Variants in UPRT observed in about 807,000 individuals in gnomAD.
UPRT encodes RP11-311P8.3.
UPRT carries 5 observed loss-of-function variants against 22.6 expected under a neutral mutation model. The ratio of observed to expected loss-of-function variants is 0.22; its 90% CI spans 0.12 to 0.47. The LOEUF is 0.47. Among genes scored for constraint, UPRT ranks in the 20% least tolerant of loss-of-function variants. UPRT has a pLI of 0.99. For missense variants in UPRT, 181 were observed against 239.9 expected (o/e 0.75, Z 1.62); for synonymous variants, 77 against 87.7 (o/e 0.88, Z 0.68).
At chrX:75,190,858 T>C (rs930645147) in intron 4 of UPRT, among the ~76,000 whole-genome samples, 1 of 111,545 alleles carries the variant, frequency 9.0e-6, no homozygotes, top group African/African-American at 3.3e-5. Flanking sequence ...TCTACACTGG[T>C]TATTCTAGTT....
intron 4 of UPRT, among the ~76,000 whole-genome samples, chrX:75,255,814 C>T (rs997402258): frequency 8.9e-6 from 1 of 111,847 alleles, no homozygotes; most frequent in East Asian, 2.8e-4. Context: ...GAAAGTATCA[C>T]AATCCTAAAC....
intron 4 of UPRT, among the ~76,000 whole-genome samples, chrX:75,172,221 A>C (rs1342784827): frequency 1.8e-5 from 2 of 110,901 alleles, no homozygotes; most frequent in African/African-American, 6.6e-5. Flanking sequence ...AGGGTTAGGC[A>C]TGTACGAGCT....
At chrX:75,258,250 G>T (rs931693213) in intron 4 of UPRT, among the ~76,000 whole-genome samples, 1 of 93,341 alleles carries the variant, frequency 1.1e-5, no homozygotes, top group South Asian at 6.0e-4. Context: ...CGCCAGTAGC[G>T]CATGGAACAC....
intron 4 of UPRT, among the ~76,000 whole-genome samples, chrX:75,176,647 T>C (rs2147607106): frequency 9.0e-6 from 1 of 110,841 alleles, no homozygotes; most frequent in African/African-American, 3.3e-5. Context: ...TTATTTCCTT[T>C]TGGGCAGGGG....
chrX:75,203,124 A>G (rs921858448), intron 4 of UPRT, among the ~76,000 whole-genome samples: 8 of 111,686 alleles, frequency 7.2e-5, no homozygotes, highest in African/African-American at 2.6e-4. Flanking sequence ...AATGGAAAGC[A>G]GAAAAAAGCA....
chrX:75,282,511 A>T (rs111690205), intron 1 of UPRT, among the ~76,000 whole-genome samples: 1 of 111,128 alleles, frequency 9.0e-6, no homozygotes, highest in East Asian at 2.8e-4. Context: ...TTAAATTTCC[A>T]TCTTGATTTT....
upstream of UPRT, among the ~76,000 whole-genome samples, chrX:75,273,556 A>T (rs1200375627): frequency 9.0e-6 from 1 of 111,244 alleles, no homozygotes; most frequent in Non-Finnish European, 1.9e-5. Context: ...ATGATAGTGG[A>T]TCTGAAATGC....
intron 4 of UPRT, among the ~76,000 whole-genome samples, chrX:75,221,581 T>C (rs2082410742): frequency 8.9e-6 from 1 of 111,895 alleles, no homozygotes; most frequent in Non-Finnish European, 1.9e-5. Context: ...CACTAATTCT[T>C]CCTTCTGGTT....
chrX:75,213,227 A>G (rs185857831), intron 4 of UPRT, among the ~76,000 whole-genome samples: 6 of 112,324 alleles, frequency 5.3e-5, no homozygotes, highest in African/African-American at 1.6e-4. Flanking sequence ...CTGTAGTTAA[A>G]TAATGGATTT....
chrX:75,296,852 T>C lies in UPRT; in HGVS notation c.499+441T>C, dbSNP rs557908415. On this transcript the variant is annotated intron_variant, in intron 3 of 6. Transcript: ENST00000373383. The stretch of plus-strand genomic sequence containing the variant: ...TTGGAGAAGGTGCTTTGTTCTATCC[T>C]TTAATAGAAAGTAGCCAAAGATCCC... 8.0e-5 allele frequency among the ~76,000 whole-genome samples: 9 copies of C among 112,188 alleles called. No individual in the cohort carries two copies. The South Asian group carries it at 3.4e-3, about 42-fold the overall frequency.
At chrX:75,238,777 C>T (rs1182970437) in intron 4 of UPRT, among the ~76,000 whole-genome samples, 2 of 111,581 alleles carry the variant, frequency 1.8e-5, no homozygotes, top group African/African-American at 6.5e-5. Context: ...TTGCAGACCA[C>T]AGTGGAATAA....
At chrX:75,158,605 T>C (rs966416444) in intron 1 of UPRT, among the ~76,000 whole-genome samples, 1 of 111,446 alleles carries the variant, frequency 9.0e-6, no homozygotes, top group Non-Finnish European at 1.9e-5. Flanking sequence ...AACATAGTGC[T>C]CTTTTCACTT....
upstream of UPRT, among the ~76,000 whole-genome samples, chrX:75,269,822 T>A (rs1172903177): frequency 9.0e-6 from 1 of 111,037 alleles, no homozygotes; most frequent in East Asian, 2.9e-4. Flanking sequence ...ACCTAGGCAA[T>A]ACCATTCAGG....
At chrX:75,269,357 T>G (rs777790132), upstream of UPRT, among the ~76,000 whole-genome samples, 1 of 111,925 alleles carries the variant, frequency 8.9e-6, no homozygotes, top group Admixed American at 9.5e-5. Context: ...TTCAATGCTA[T>G]TCCCATCAAG....
chrX:75,185,027 G>C (rs1023919159), intron 4 of UPRT, among the ~76,000 whole-genome samples: 6 of 111,060 alleles, frequency 5.4e-5, no homozygotes, highest in African/African-American at 1.3e-4. Context: ...TCTCCTGCCT[G>C]ATTGCCCTGG....
rs1290795619 is a variant in UPRT, at chrX:75,198,392, T to C, written c.-447+30513T>C. Among the ~76,000 whole-genome samples, 7 of 112,201 alleles carry C rather than the reference T, an allele frequency of 6.2e-5. No homozygotes were observed. The East Asian group carries it at 2.0e-3, about 32-fold the overall frequency. ...ATTTTCCAAAAGTATGCAATTAAGA[T>C]TAGTGTAATTCAGTGCAGGTACATT... On this transcript the variant is annotated intron_variant, in intron 4 of 13. Transcript: ENST00000652605.
intron 4 of UPRT, among the ~76,000 whole-genome samples, chrX:75,194,246 C>G (rs1300945233): frequency 1.8e-5 from 2 of 111,888 alleles, no homozygotes; most frequent in Non-Finnish European, 3.8e-5. Context: ...GCTCAGGATT[C>G]CTGAATTGCA....
intron 6 of UPRT, among the ~76,000 whole-genome samples, chrX:75,301,475 G>T (rs1357509247): frequency 8.9e-6 from 1 of 111,741 alleles, no homozygotes; most frequent in Non-Finnish European, 1.9e-5. Flanking sequence ...ATACATTGCA[G>T]AACAATTGGG....
At chrX:75,235,886 A>T (rs2082461025) in intron 4 of UPRT, among the ~76,000 whole-genome samples, 1 of 111,926 alleles carries the variant, frequency 8.9e-6, no homozygotes, top group Non-Finnish European at 1.9e-5. Flanking sequence ...GAAAACTGCC[A>T]CAAGACAGGG....
Sources: allele counts gnomAD v4.1 joint callset (sites outside exome capture counted in the v4.1 genomes callset), GRCh38; gene constraint gnomAD v4.1.1; transcripts MANE v1.5; gene names NCBI Gene and HGNC (gene_info 2026-07-23, HGNC 2026-07-21).